Variants in SCLT1 observed in about 807,000 individuals in gnomAD.
The protein encoded by SCLT1 is sodium channel-associated protein 1.
SCLT1 carries 78 observed loss-of-function variants against 112.8 expected under a neutral mutation model. The ratio of observed to expected loss-of-function variants is 0.69; its 90% CI spans 0.58 to 0.83. The LOEUF (loss-of-function observed/expected upper bound fraction) is 0.83, where lower values mean the gene tolerates loss of function less well. Ranked by LOEUF, SCLT1 falls within the 40% of genes least tolerant of loss-of-function variation. The probability of loss-of-function intolerance (pLI) is 0.00; values close to 1 mark genes in which losing one functional copy is unlikely to be tolerated. For missense variants in SCLT1, 747 were observed against 770.4 expected, an observed-to-expected ratio of 0.97 and a Z score of 0.36; for synonymous variants, 257 against 254.7, an observed-to-expected ratio of 1.01 and a Z score of -0.09.
At chr4:128,896,447 A>T in intron 18 of SCLT1, among the ~76,000 whole-genome samples, 1 of 152,312 alleles carries the variant, frequency 6.6e-6, no homozygotes, top group African/African-American at 2.4e-5. Flanking sequence ...ACTCCAACAG[A>T]CCTGCAGCTG....
At chr4:128,997,987 A>G (rs781173270) in intron 7 of SCLT1, 48 bp from the exon 8 acceptor site, 3 of 896,466 alleles carry the variant, frequency 3.3e-6, no homozygotes, top group South Asian at 2.9e-5. Context: ...TTTGTTGTTT[A>G]TAACCCATAT....
chr4:128,957,911 C>T (rs1482036159), intron 12 of SCLT1, among the ~76,000 whole-genome samples: 1 of 152,144 alleles, frequency 6.6e-6, no homozygotes, highest in African/African-American at 2.4e-5. Context: ...ACTGATCATT[C>T]CTCTTCAGTC....
intron 9 of SCLT1, among the ~76,000 whole-genome samples, chr4:128,981,493 A>T (rs1209061187): frequency 6.6e-6 from 1 of 152,122 alleles, no homozygotes; most frequent in South Asian, 2.1e-4. Context: ...ATGTCTTTCC[A>T]GGTTTTTGCA....
chr4:129,047,138 A>G (rs1217781455), intron 2 of SCLT1, among the ~76,000 whole-genome samples: 2 of 152,046 alleles, frequency 1.3e-5, no homozygotes, highest in Non-Finnish European at 2.9e-5. Flanking sequence ...AGCCCAGTTT[A>G]TCAGTTATTT....
intron 5 of SCLT1, among the ~76,000 whole-genome samples, chr4:129,005,591 T>G (rs142612043): frequency 6.6e-6 from 1 of 152,148 alleles, no homozygotes; most frequent in Non-Finnish European, 1.5e-5. Context: ...GTTCAACTAT[T>G]GTGGAAGTCA....
chr4:129,072,698 C>T (rs1330740435), intron 2 of SCLT1, among the ~76,000 whole-genome samples: 2 of 152,012 alleles, frequency 1.3e-5, no homozygotes, highest in African/African-American at 4.8e-5. Context: ...ATATTTCTCC[C>T]TTCACTTCTT....
intron 4 of SCLT1, 142 bp from the exon 5 acceptor site, chr4:129,039,238 A>G: frequency 1.8e-6 from 1 of 570,598 alleles, no homozygotes; most frequent in Non-Finnish European, 3.2e-6. Flanking sequence ...CAAAGGGATA[A>G]TTAATATGGA....
chr4:129,019,864 A>G (rs1168039171), intron 5 of SCLT1, among the ~76,000 whole-genome samples: 2 of 150,246 alleles, frequency 1.3e-5, no homozygotes, highest in Non-Finnish European at 3.0e-5. Flanking sequence ...CCTCCAATTA[A>G]TCATACACAT....
chr4:128,879,215 A>G (rs1732588982), downstream of SCLT1, among the ~76,000 whole-genome samples: 1 of 152,160 alleles, frequency 6.6e-6, no homozygotes, highest in Non-Finnish European at 1.5e-5. Context: ...TTTGGCATCT[A>G]TATGTTCAAT....
intron 5 of SCLT1, chr4:129,037,150 A>C (rs1435901677): frequency 6.6e-6 from 1 of 151,568 alleles, no homozygotes; most frequent in Non-Finnish European, 1.5e-5. Flanking sequence ...ATTTACTTTA[A>C]GTTAAAAAAA....
intron 9 of SCLT1, among the ~76,000 whole-genome samples, chr4:128,987,357 C>T (rs142092888): frequency 2.4e-4 from 36 of 152,238 alleles, no homozygotes; most frequent in African/African-American, 8.4e-4. Context: ...AATAAGGCAC[C>T]AGTGTGACCA....
At chr4:129,090,968 T>C (rs1373349682) in intron 1 of SCLT1, among the ~76,000 whole-genome samples, 1 of 152,060 alleles carries the variant, frequency 6.6e-6, no homozygotes, top group Non-Finnish European at 1.5e-5. Context: ...TACCAAAACA[T>C]GAGTTGAGAA....
intron 2 of SCLT1, among the ~76,000 whole-genome samples, chr4:129,052,345 A>G (rs944222175): frequency 6.6e-6 from 1 of 152,074 alleles, no homozygotes; most frequent in African/African-American, 2.4e-5. Context: ...CTGTGAATCC[A>G]TCTGGTCCTG....
chr4:128,901,440 A>C (rs1447594110), intron 18 of SCLT1, among the ~76,000 whole-genome samples: 2 of 149,132 alleles, frequency 1.3e-5, no homozygotes, highest in Non-Finnish European at 3.0e-5. Flanking sequence ...CAAACACCGC[A>C]TGTTCTCACT....
intron 17 of SCLT1, among the ~76,000 whole-genome samples, chr4:128,938,197 A>G (rs1444871089): frequency 6.6e-6 from 1 of 152,216 alleles, no homozygotes; most frequent in Non-Finnish European, 1.5e-5. Flanking sequence ...TCAAAAAACA[A>G]TGAGAGTAAT....
At chr4:129,023,919 C>T (rs189330133) in intron 5 of SCLT1, among the ~76,000 whole-genome samples, 23 of 152,324 alleles carry the variant, frequency 1.5e-4, no homozygotes, top group Admixed American at 5.9e-4. Flanking sequence ...CCTACGCCCA[C>T]GGAGTCTCGC....
At chr4:129,050,574 TG>T (rs1185544949) in intron 2 of SCLT1, among the ~76,000 whole-genome samples, 1 of 151,942 alleles carries the variant, frequency 6.6e-6, no homozygotes, top group Non-Finnish European at 1.5e-5. Flanking sequence ...CATTTTTTGA[TG>T]GGGTCATTTT....
intron 9 of SCLT1, among the ~76,000 whole-genome samples, chr4:128,987,408 A>G (rs1385324405): frequency 6.6e-6 from 1 of 152,236 alleles, no homozygotes; most frequent in Non-Finnish European, 1.5e-5. Flanking sequence ...CACACAAGGA[A>G]TTCAAAGTAT....
intron 13 of SCLT1, among the ~76,000 whole-genome samples, chr4:128,956,365 T>TA (rs1479554251): frequency 6.6e-6 from 1 of 152,122 alleles, no homozygotes; most frequent in African/African-American, 2.4e-5. Context: ...AGTCCAATGT[T>TA]ACAGTACTCT....
Sources: gnomAD v4.1 joint callset for allele counts (sites outside exome capture counted in the v4.1 genomes callset) on GRCh38, gnomAD v4.1.1 for gene constraint, MANE v1.5 for transcripts, NCBI Gene and HGNC (gene_info 2026-07-23, HGNC 2026-07-21) for gene names.